The following CHN2 variants were observed in gnomAD, a reference collection of about 807,000 sequenced individuals.
The protein encoded by CHN2 is beta-chimaerin.
Under a neutral mutation model 56.3 loss-of-function variants are expected in CHN2, and 35 were observed. That is an observed-to-expected ratio of 0.62 (90% CI 0.47 to 0.82). The LOEUF (loss-of-function observed/expected upper bound fraction) is 0.82, where lower values mean the gene tolerates loss of function less well. Among genes scored for constraint, CHN2 ranks in the 40% least tolerant of loss-of-function variants. The pLI is 0.00. For missense variants in CHN2, 491 were observed against 580.5 expected (o/e 0.85, Z 1.58); for synonymous variants, 210 against 212.8 (o/e 0.99, Z 0.12).
At chr7:29,406,112 T>C (rs1250813151) in intron 6 of CHN2, among the ~76,000 whole-genome samples, 1 of 152,252 alleles carries the variant, frequency 6.6e-6, no homozygotes, top group Non-Finnish European at 1.5e-5. Context: ...GCAACAGCTC[T>C]TATTTGCTTT....
At chr7:29,198,478 C>T (rs527911614) in intron 1 of CHN2, among the ~76,000 whole-genome samples, 1 of 152,132 alleles carries the variant, frequency 6.6e-6, no homozygotes, top group Non-Finnish European at 1.5e-5. Flanking sequence ...TCTGAGAACT[C>T]TTCATGAATT....
intron 10 of CHN2, among the ~76,000 whole-genome samples, 186 bp from the exon 11 acceptor site, chr7:29,507,042 C>A (rs1790646319): frequency 6.6e-6 from 1 of 152,194 alleles, no homozygotes; most frequent in South Asian, 2.1e-4. Flanking sequence ...AACCCTCAGA[C>A]CCTACCTCCC....
intron 3 of CHN2, among the ~76,000 whole-genome samples, chr7:29,377,139 T>C (rs957544456): frequency 4.6e-5 from 7 of 152,184 alleles, no homozygotes; most frequent in African/African-American, 1.4e-4. Flanking sequence ...GCCCCCTGCC[T>C]CAGCCTCCCT....
intron 2 of CHN2, chr7:29,146,968 C>A: frequency 6.4e-7 from 1 of 1,550,888 alleles, no homozygotes; most frequent in South Asian, 1.2e-5. Flanking sequence ...GCAGTAAGCT[C>A]GCACCAAGTG....
chr7:29,154,540 GTAT>G (rs755066260), intron 2 of CHN2, among the ~76,000 whole-genome samples: 3 of 152,088 alleles, frequency 2.0e-5, no homozygotes, highest in Non-Finnish European at 4.4e-5. Context: ...ATTTAAAGAA[GTAT>G]TATTATTAGG....
chr7:29,490,209 T>C (rs1202305753), intron 7 of CHN2, among the ~76,000 whole-genome samples: 1 of 152,058 alleles, frequency 6.6e-6, no homozygotes, highest in Admixed American at 6.6e-5. Context: ...TTTTCTCTTC[T>C]GTAAATGTCT....
intron 6 of CHN2, among the ~76,000 whole-genome samples, chr7:29,476,443 A>G (rs1786592530): frequency 6.6e-6 from 1 of 151,984 alleles, no homozygotes; most frequent in South Asian, 2.1e-4. Flanking sequence ...AGTCTGACGC[A>G]AGAGAATCAC....
intron 1 of CHN2, among the ~76,000 whole-genome samples, chr7:29,323,584 G>A (rs994233297): frequency 1.3e-5 from 2 of 152,118 alleles, no homozygotes; most frequent in South Asian, 2.1e-4. Context: ...CGTGGGAGAT[G>A]GAGTTCATAC....
intron 1 of CHN2, among the ~76,000 whole-genome samples, chr7:29,221,151 T>G (rs920283189): frequency 1.3e-5 from 2 of 152,158 alleles, no homozygotes; most frequent in African/African-American, 4.8e-5. Context: ...ATAAATGATT[T>G]CTCCGAGTTT....
At chr7:29,316,554 G>A (rs1415500322) in intron 1 of CHN2, among the ~76,000 whole-genome samples, 2 of 152,106 alleles carry the variant, frequency 1.3e-5, no homozygotes, top group African/African-American at 4.8e-5. Flanking sequence ...ATTGTCGGAG[G>A]GAATGTAATT....
intron 3 of CHN2, among the ~76,000 whole-genome samples, chr7:29,387,629 C>T (rs1169378972): frequency 6.6e-6 from 1 of 152,206 alleles, no homozygotes; most frequent in Non-Finnish European, 1.5e-5. Flanking sequence ...GCCCCGTGAT[C>T]ACACTCTGAG....
chr7:29,352,739 A>G (rs148371447), intron 1 of CHN2, among the ~76,000 whole-genome samples: 33 of 152,164 alleles, frequency 2.2e-4, no homozygotes, highest in Non-Finnish European at 7.4e-5. Context: ...CAAACAAACA[A>G]AAAACAAAAA....
At chr7:29,297,511 T>C (rs1793273034) in intron 1 of CHN2, among the ~76,000 whole-genome samples, 1 of 152,084 alleles carries the variant, frequency 6.6e-6, no homozygotes, top group Non-Finnish European at 1.5e-5. Context: ...CATTTGGAGT[T>C]TGATGGCCTG....
intron 1 of CHN2, among the ~76,000 whole-genome samples, chr7:29,293,133 A>G (rs1792779511): frequency 6.6e-6 from 1 of 152,158 alleles, no homozygotes; most frequent in African/African-American, 2.4e-5. Flanking sequence ...ACCAATCTCA[A>G]GGCCCAGATG....
chr7:29,500,344 G>C (rs1030658102), intron 9 of CHN2, among the ~76,000 whole-genome samples: 2 of 152,206 alleles, frequency 1.3e-5, no homozygotes, highest in African/African-American at 4.8e-5. Context: ...TCATACTTCA[G>C]CTGGGTGCAG....
chr7:29,330,257 A>C (rs4722902), intron 1 of CHN2, among the ~76,000 whole-genome samples: 3 of 152,072 alleles, frequency 2.0e-5, no homozygotes, highest in Non-Finnish European at 4.4e-5. Flanking sequence ...CTCATTCAAC[A>C]TAGTGGTTCG....
chr7:29,489,344 GT>G (rs1194349119), intron 7 of CHN2, among the ~76,000 whole-genome samples: 1 of 152,062 alleles, frequency 6.6e-6, no homozygotes, highest in Non-Finnish European at 1.5e-5. Flanking sequence ...GAATATTTTA[GT>G]TACTGCCCTC....
At chr7:29,172,630 C>T (rs1384739342) in intron 2 of CHN2, among the ~76,000 whole-genome samples, 1 of 152,142 alleles carries the variant, frequency 6.6e-6, no homozygotes, top group Non-Finnish European at 1.5e-5. Flanking sequence ...TAAAGTCCAT[C>T]TTTGACATTA....
chr7:29,340,092 G>GA (rs34108205), intron 1 of CHN2, among the ~76,000 whole-genome samples: 2 of 151,928 alleles, frequency 1.3e-5, no homozygotes, highest in Non-Finnish European at 2.9e-5. Flanking sequence ...TGTGCTGTGG[G>GA]AAAAAATGTC....
Sources: gnomAD v4.1 joint callset for allele counts (sites outside exome capture counted in the v4.1 genomes callset) on GRCh38, gnomAD v4.1.1 for gene constraint, MANE v1.5 for transcripts, NCBI Gene and HGNC (gene_info 2026-07-23, HGNC 2026-07-21) for gene names.